RNF170: variants seen among roughly 807,000 people sequenced by gnomAD.
The protein encoded by RNF170 is E3 ubiquitin-protein ligase RNF170.
Under a neutral mutation model 32.7 loss-of-function variants are expected in RNF170, and 12 were observed. The observed-to-expected ratio is 0.37, with a 90% CI of 0.24 to 0.60. The LOEUF is 0.60. Among genes scored for constraint, RNF170 ranks in the 20% least tolerant of loss-of-function variants. RNF170 has a pLI of 0.72. For missense variants in RNF170, 212 were observed against 311.2 expected (o/e 0.68, Z 2.40); for synonymous variants, 91 against 103.6 (o/e 0.88, Z 0.74).
At chr8:42,892,695 C>A (rs868247392) in intron 1 of RNF170, among the ~76,000 whole-genome samples, 18 of 139,004 alleles carry the variant, frequency 1.3e-4, no homozygotes, top group Middle Eastern at 3.6e-3. Flanking sequence ...TTTTTTTAAA[C>A]CCTAGATTCA....
At position 42,854,070 on chromosome 8, in the gene RNF170, T is replaced by G. The variant is rs1003234076; in HGVS notation, c.*2089A>C. ...ACATGGCAGTGTGACAAACTCCTAC[T>G]CACTCGCTTTTCAAGTTGGTGACTG... On this transcript the variant is annotated 3_prime_UTR_variant, in exon 7 of 7. Coordinates refer to ENST00000527424, the MANE Select transcript of RNF170 (RefSeq NM_030954.4). 2 of 1,287,208 alleles carry G rather than the reference T, an allele frequency of 1.6e-6. No homozygotes were observed. The highest frequency in any genetic ancestry group is 5.5e-5 in the East Asian group (1 of 18,028). 79.7% of individuals were successfully genotyped at this position (1,287,208 alleles called of 1,614,324 possible).
chr8:42,861,517 G>GT (rs1051760807), intron 6 of RNF170: 12 of 468,554 alleles, frequency 2.6e-5, no homozygotes, highest in African/African-American at 4.0e-5. Context: ...ATTTTTTGGT[G>GT]TTTTTTCTAG....
Position 42,853,592 on chromosome 8 carries a change from T to G in RNF170, c.*2567A>C, listed in dbSNP as rs1803018055. The G allele has an allele frequency of 7.8e-7, 1 of 1,286,140 alleles. No individual in the cohort carries two copies. Among genetic ancestry groups the G allele is most frequent in the Non-Finnish European group, 1.0e-6 (1 of 988,032 alleles). The allele number at this position is 1,286,140 out of a possible 1,614,324, so 79.7% of individuals were successfully genotyped here. On this transcript the variant is annotated 3_prime_UTR_variant, in exon 7 of 7. Coordinates refer to ENST00000527424, the MANE Select transcript of RNF170 (RefSeq NM_030954.4). Reference sequence around the variant, plus strand: ...TCCTGGGGTTGGACCATCTGTTTTATGACAGTTATGATATTGTTGTTTAAA... The same window carrying G: ...TCCTGGGGTTGGACCATCTGTTTTAGGACAGTTATGATATTGTTGTTTAAA...
intron 2 of RNF170, among the ~76,000 whole-genome samples, chr8:42,876,939 G>T (rs1254633223): frequency 6.7e-6 from 1 of 150,088 alleles, no homozygotes; most frequent in Non-Finnish European, 1.5e-5. Context: ...ACAGGCGTGA[G>T]CCACTGTGCC....
upstream of RNF170, chr8:42,896,613 G>GGCGCAC (rs1222521669): frequency 4.4e-6 from 2 of 453,574 alleles, no homozygotes; most frequent in Non-Finnish European, 8.8e-6. Context: ...TGCGGGTGCG[G>GGCGCAC]GCGCACGCGC....
chr8:42,857,992 G>A (rs375046507), intron 6 of RNF170, among the ~76,000 whole-genome samples: 4 of 152,200 alleles, frequency 2.6e-5, no homozygotes, highest in Non-Finnish European at 4.4e-5. Context: ...CCGAGATCGC[G>A]CCATTGCATT....
Position 42,896,552 on chromosome 8 carries a change from C to G in RNF170, c.-76G>C, listed in dbSNP as rs1463135905. 3 of 453,808 alleles carry G rather than the reference C, an allele frequency of 6.6e-6. No individual in the cohort carries two copies. Among genetic ancestry groups the G allele is most frequent in the Admixed American group, 4.7e-5 (2 of 42,548 alleles). 28.1% of individuals were successfully genotyped at this position (453,808 alleles called of 1,614,324 possible). A position where few individuals can be genotyped will look rare whatever the true frequency, so the allele number is the denominator to read the frequency against. ...AGGACAGATTATTTCCAGGACCGCT[C>G]CCGCCACCCCTCCCGGGCAACCCAC... is the stretch of plus-strand genomic sequence containing the variant. On this transcript the variant is annotated 5_prime_UTR_variant, in exon 1 of 7. Transcript: ENST00000527424.
At chr8:42,892,979 CT>C (rs1172681197) in intron 1 of RNF170, among the ~76,000 whole-genome samples, 1 of 152,040 alleles carries the variant, frequency 6.6e-6, no homozygotes, top group African/African-American at 2.4e-5. Flanking sequence ...AGAACAAGAC[CT>C]TGTCTCAAAA....
downstream of RNF170, among the ~76,000 whole-genome samples, chr8:42,851,559 C>T (rs1227918239): frequency 1.0e-4 from 14 of 140,462 alleles, no homozygotes; most frequent in African/African-American, 2.5e-4. Context: ...AGTGAGACTC[C>T]GTCTCAAAAA....
chr8:42,877,019 T>C (rs1307427265), intron 2 of RNF170, among the ~76,000 whole-genome samples: 5 of 147,020 alleles, frequency 3.4e-5, no homozygotes, highest in Middle Eastern at 3.5e-3. Context: ...AGTGGCGCCA[T>C]CTCAGCTCAC....
At chr8:42,865,894 A>T (rs1185009704) in intron 4 of RNF170, among the ~76,000 whole-genome samples, 1 of 151,484 alleles carries the variant, frequency 6.6e-6, no homozygotes, top group African/African-American at 2.4e-5. Context: ...CTGAGGCAGG[A>T]AAATCACTTG....
chr8:42,876,543 T>C (rs1369730662), intron 2 of RNF170, among the ~76,000 whole-genome samples: 1 of 152,026 alleles, frequency 6.6e-6, no homozygotes. Flanking sequence ...CAATTCTCGC[T>C]AGACACCAGA....
At chr8:42,891,375 T>A (rs992565798) in intron 1 of RNF170, among the ~76,000 whole-genome samples, 3 of 152,156 alleles carry the variant, frequency 2.0e-5, no homozygotes, top group African/African-American at 4.8e-5. Context: ...GTCTTTTTTT[T>A]AAAAGAGACC....
intron 1 of RNF170, among the ~76,000 whole-genome samples, chr8:42,890,920 G>C (rs571433013): frequency 4.6e-5 from 7 of 152,300 alleles, no homozygotes; most frequent in Admixed American, 4.6e-4. Flanking sequence ...CTTCAGTTTG[G>C]AAAGAGGCTG....
At chr8:42,872,233 A>C (rs564537417) in intron 3 of RNF170, among the ~76,000 whole-genome samples, 4 of 152,338 alleles carry the variant, frequency 2.6e-5, no homozygotes, top group Non-Finnish European at 5.9e-5. Flanking sequence ...GCCCCTCCAT[A>C]GCTGAACCCA....
At position 42,853,738 on chromosome 8, in the gene RNF170, T is replaced by C. The variant is rs1803031114; in HGVS notation, c.*2421A>G. 1 of 1,287,198 alleles carries C rather than the reference T, an allele frequency of 7.8e-7. No homozygotes were observed. The highest frequency in any genetic ancestry group is 1.5e-5 in the African/African-American group (1 of 65,928). The allele number at this position is 1,287,198 out of a possible 1,614,324, so 79.7% of individuals were successfully genotyped here. On this transcript the variant is annotated 3_prime_UTR_variant, in exon 7 of 7. Transcript: ENST00000527424. ...TAAAAACTCTCAGATCCCTTCTGCATTTATCATCAGAGATCGGTAAAGATG... is the reference window on the plus strand; with the variant it reads ...TAAAAACTCTCAGATCCCTTCTGCACTTATCATCAGAGATCGGTAAAGATG...
At chr8:42,859,889 A>T (rs561143348) in intron 6 of RNF170, among the ~76,000 whole-genome samples, 2 of 152,232 alleles carry the variant, frequency 1.3e-5, no homozygotes, top group East Asian at 3.9e-4. Flanking sequence ...AGCTCAAGTG[A>T]TCTGCCTGCC....
chr8:42,863,740 A>G (rs976616476), intron 5 of RNF170, among the ~76,000 whole-genome samples: 2 of 152,186 alleles, frequency 1.3e-5, no homozygotes, highest in African/African-American at 4.8e-5. Context: ...ACGCCCGGCC[A>G]TAAGCTTCAA....
At position 42,865,563 on chromosome 8, in the gene RNF170, T is replaced by C. The variant is rs1178369357; in HGVS notation, c.323-74A>G. 9 of 1,059,140 alleles carry C rather than the reference T, an allele frequency of 8.5e-6. No individual in the cohort carries two copies. The East Asian group carries it at 1.4e-4, about 17-fold the overall frequency. The allele number at this position is 1,059,140 out of a possible 1,614,324, so 65.6% of individuals were successfully genotyped here. ...TAAAGTCCACATATCCTCAGAAAGA[T>C]TCAACTATTTGAAATATTTTAACAG... On this transcript the variant is annotated intron_variant, in intron 4 of 6. Coordinates refer to ENST00000527424, the MANE Select transcript of RNF170 (RefSeq NM_030954.4).
Sources: gnomAD v4.1 joint callset for allele counts (sites outside exome capture counted in the v4.1 genomes callset) on GRCh38, gnomAD v4.1.1 for gene constraint, MANE v1.5 for transcripts, NCBI Gene and HGNC (gene_info 2026-07-23, HGNC 2026-07-21) for gene names.